RNF144A: variants seen among roughly 807,000 people sequenced by gnomAD.
The protein encoded by RNF144A is E3 ubiquitin-protein ligase RNF144A.
Under a neutral mutation model 38.7 loss-of-function variants are expected in RNF144A, and 11 were observed. The ratio of observed to expected loss-of-function variants is 0.28; its 90% CI spans 0.18 to 0.47. RNF144A has a LOEUF of 0.47. Among genes scored for constraint, RNF144A ranks in the 20% least tolerant of loss-of-function variants. The pLI is 0.99. For synonymous variants in RNF144A, 149 were observed against 143.9 expected (o/e 1.04, Z -0.25); for missense variants, 316 against 377.2 (o/e 0.84, Z 1.34).
intron 1 of RNF144A, chr2:6,933,356 T>C (rs1317991787): frequency 6.6e-6 from 1 of 152,222 alleles, no homozygotes; most frequent in African/African-American, 2.4e-5. Context: ...CTCTACTAAC[T>C]TGGATTTCTA....
chr2:7,042,059 TCTGA>T lies in RNF144A; in HGVS notation c.*2302_*2305del. On this transcript the variant is annotated 3_prime_UTR_variant, in exon 9 of 9. Transcript: ENST00000320892. Reference sequence around the variant, plus strand: ...GGCAGTCAAATTGGCACCTACTGGCTCTGACTTTTTGTATGAAGCATGCCTCAGT... The same window carrying T: ...GGCAGTCAAATTGGCACCTACTGGCTCTTTTTGTATGAAGCATGCCTCAGT... 4.1e-6 allele frequency: 4 copies of T among 985,388 alleles called. No individual in the cohort carries two copies. The highest frequency in any genetic ancestry group is 4.8e-6 in the Non-Finnish European group (4 of 829,916). The allele number at this position is 985,388 out of a possible 1,614,324, so 61.0% of individuals were successfully genotyped here.
intron 6 of RNF144A, among the ~76,000 whole-genome samples, chr2:7,059,979 A>ATACTT (rs1478132208): frequency 6.6e-6 from 1 of 152,230 alleles, no homozygotes; most frequent in Non-Finnish European, 1.5e-5. Context: ...GTAGCTGTTT[A>ATACTT]TACTTACAGT....
At position 7,061,133 on chromosome 2, in the gene RNF144A, A is replaced by G. The variant is rs368201001; in HGVS notation, c.735-7083A>G. Among the ~76,000 whole-genome samples the G allele has an allele frequency of 1.5e-4, 23 of 152,308 alleles. No individual in the cohort carries two copies. In the South Asian group the frequency reaches 2.9e-3, roughly 19 times the overall value. ...ACATTTATGTGAGCTGTCCATGGAT[A>G]TAAAAAAGCTGCTATGATTTCAGAC... On this transcript the variant is annotated intron_variant, in intron 6 of 6. Transcript: ENST00000432850.
intron 6 of RNF144A, among the ~76,000 whole-genome samples, chr2:7,050,129 G>A (rs536319928): frequency 2.6e-5 from 4 of 152,240 alleles, no homozygotes; most frequent in African/African-American, 4.8e-5. Context: ...TCCTCAGTTC[G>A]GGTCCTGATA....
chr2:7,035,397 C>A (rs1672606150), intron 8 of RNF144A, among the ~76,000 whole-genome samples: 1 of 152,158 alleles, frequency 6.6e-6, no homozygotes, highest in Admixed American at 6.5e-5. Context: ...ACATAACTTC[C>A]CCACTCTGTG....
intron 6 of RNF144A, among the ~76,000 whole-genome samples, chr2:7,066,868 A>T (rs1261674199): frequency 6.6e-6 from 1 of 152,224 alleles, no homozygotes; most frequent in Non-Finnish European, 1.5e-5. Context: ...AAACAGCCTG[A>T]GAGCAAGTCC....
At chr2:7,011,380 T>G (rs558001925) in intron 3 of RNF144A, among the ~76,000 whole-genome samples, 5 of 152,312 alleles carry the variant, frequency 3.3e-5, no homozygotes, top group South Asian at 2.1e-4. Flanking sequence ...TGTAAAAGTT[T>G]TCAATTGAGG....
intron 8 of RNF144A, among the ~76,000 whole-genome samples, chr2:7,037,172 G>C (rs1672735770): frequency 6.6e-6 from 1 of 152,158 alleles, no homozygotes. Context: ...TTTGCTTCCT[G>C]TCTCATTTTT....
At chr2:7,045,977 C>G (rs538767289), downstream of RNF144A, among the ~76,000 whole-genome samples, 1 of 152,260 alleles carries the variant, frequency 6.6e-6, no homozygotes, top group East Asian at 1.9e-4. Context: ...TACCTAGGTA[C>G]ATATATTTGT....
At chr2:7,032,631 C>T (rs1167468381) in intron 8 of RNF144A, among the ~76,000 whole-genome samples, 1 of 152,236 alleles carries the variant, frequency 6.6e-6, no homozygotes, top group East Asian at 1.9e-4. Context: ...CTCCGGCTGC[C>T]TCTTCCCTGT....
chr2:6,951,901 C>T (rs1187210597), intron 2 of RNF144A, among the ~76,000 whole-genome samples: 1 of 151,886 alleles, frequency 6.6e-6, no homozygotes, highest in Non-Finnish European at 1.5e-5. Flanking sequence ...GTTTCTCTTT[C>T]TTGTGATTGC....
At chr2:7,068,017 A>G (rs1030933468) in intron 6 of RNF144A, among the ~76,000 whole-genome samples, 2 of 152,086 alleles carry the variant, frequency 1.3e-5, no homozygotes, top group African/African-American at 4.8e-5. Context: ...GTAATTTTCT[A>G]TCTAGTGGTC....
At chr2:6,922,971 C>T (rs1478464516) in intron 1 of RNF144A, among the ~76,000 whole-genome samples, 1 of 152,182 alleles carries the variant, frequency 6.6e-6, no homozygotes, top group Non-Finnish European at 1.5e-5. Flanking sequence ...TGTCACCTGG[C>T]TGGTGATCTG....
At chr2:7,059,252 C>G (rs1044374872) in intron 6 of RNF144A, among the ~76,000 whole-genome samples, 15 of 152,168 alleles carry the variant, frequency 9.9e-5, no homozygotes, top group Admixed American at 8.5e-4. Flanking sequence ...GAGGCTGAGG[C>G]AGGAGTATGG....
At chr2:6,929,249 G>C (rs887499820) in intron 1 of RNF144A, among the ~76,000 whole-genome samples, 1 of 152,164 alleles carries the variant, frequency 6.6e-6, no homozygotes, top group Non-Finnish European at 1.5e-5. Context: ...GGAGAGATGA[G>C]ACCTGTGGAA....
At chr2:6,976,226 A>T (rs1319754324) in intron 2 of RNF144A, among the ~76,000 whole-genome samples, 1 of 152,200 alleles carries the variant, frequency 6.6e-6, no homozygotes, top group Non-Finnish European at 1.5e-5. Context: ...CCAGCCAGTA[A>T]GGTGTGTGAG....
intron 1 of RNF144A, among the ~76,000 whole-genome samples, chr2:6,930,569 A>G (rs1366280130): frequency 2.0e-5 from 3 of 152,036 alleles, no homozygotes; most frequent in Non-Finnish European, 4.4e-5. Context: ...CTATCTGTAT[A>G]TACATACATA....
chr2:6,990,443 T>C (rs1669274989), intron 2 of RNF144A, among the ~76,000 whole-genome samples: 1 of 130,314 alleles, frequency 7.7e-6, no homozygotes, highest in Non-Finnish European at 1.6e-5. Context: ...CACAGAGCTA[T>C]ATATATATAT....
chr2:6,964,593 G>A (rs900294098), intron 2 of RNF144A, among the ~76,000 whole-genome samples: 4 of 152,154 alleles, frequency 2.6e-5, no homozygotes, highest in African/African-American at 9.7e-5. Context: ...ATGATAGACT[G>A]AATTAAGAAA....
Sources: gnomAD v4.1 joint callset for allele counts (sites outside exome capture counted in the v4.1 genomes callset) on GRCh38, gnomAD v4.1.1 for gene constraint, MANE v1.5 for transcripts, NCBI Gene and HGNC (gene_info 2026-07-23, HGNC 2026-07-21) for gene names.